NWD2: variants seen among roughly 807,000 people sequenced by gnomAD.
NWD2 encodes NACHT and WD repeat domain-containing protein 2.
A neutral mutation model predicts 132.7 loss-of-function variants in NWD2; 37 were observed. The ratio of observed to expected loss-of-function variants is 0.28; its 90% CI spans 0.21 to 0.37. The LOEUF (loss-of-function observed/expected upper bound fraction) is 0.37. Among genes scored for constraint, NWD2 ranks in the 10% least tolerant of loss-of-function variants. NWD2 has a pLI of 1.00. For missense variants in NWD2, 1,592 were observed against 2,122.4 expected (o/e 0.75, Z 4.91); for synonymous variants, 705 against 803.0 (o/e 0.88, Z 2.06).
At chr4:37,313,160 A>C (rs1261560314) in intron 1 of NWD2, among the ~76,000 whole-genome samples, 1 of 151,076 alleles carries the variant, frequency 6.6e-6, no homozygotes, top group African/African-American at 2.5e-5. Flanking sequence ...GTTAGGGAGG[A>C]TTCCCTCTTT....
chr4:37,310,397 T>A (rs73807484), intron 1 of NWD2, among the ~76,000 whole-genome samples: 161 of 152,316 alleles, frequency 1.1e-3, no homozygotes, highest in African/African-American at 3.8e-3. Context: ...TTATCTTTTC[T>A]AACTTACCCC....
intron 3 of NWD2, among the ~76,000 whole-genome samples, chr4:37,405,593 A>T (rs1374729544): frequency 6.6e-6 from 1 of 152,222 alleles, no homozygotes; most frequent in Non-Finnish European, 1.5e-5. Context: ...GTCTGGGGTG[A>T]CAACTGCGAC....
intron 1 of NWD2, among the ~76,000 whole-genome samples, chr4:37,301,782 G>A (rs979280125): frequency 6.6e-6 from 1 of 151,690 alleles, no homozygotes; most frequent in Non-Finnish European, 1.5e-5. Flanking sequence ...AGATAATTTT[G>A]TATGTGATTC....
intron 3 of NWD2, among the ~76,000 whole-genome samples, chr4:37,374,255 A>G (rs1720299104): frequency 6.6e-6 from 1 of 152,168 alleles, no homozygotes; most frequent in South Asian, 2.1e-4. Flanking sequence ...GTGATGACAC[A>G]CCTGCTCCCC....
chr4:37,414,899 T>A (rs1208374491), intron 3 of NWD2, among the ~76,000 whole-genome samples: 1 of 152,182 alleles, frequency 6.6e-6, no homozygotes, highest in African/African-American at 2.4e-5. Flanking sequence ...CATTGTTGGA[T>A]TCTATATTTT....
At chr4:37,380,446 C>T (rs1720431102) in intron 3 of NWD2, among the ~76,000 whole-genome samples, 1 of 152,194 alleles carries the variant, frequency 6.6e-6, no homozygotes, top group South Asian at 2.1e-4. Flanking sequence ...TTTTCTCCCT[C>T]TAGGCTTTAA....
intron 3 of NWD2, among the ~76,000 whole-genome samples, chr4:37,388,688 T>C (rs1720620740): frequency 6.8e-6 from 1 of 147,554 alleles, no homozygotes; most frequent in South Asian, 2.1e-4. Flanking sequence ...ATCGTATATA[T>C]CATATATAAA....
chr4:37,313,919 A>G (rs1190978044), intron 1 of NWD2, among the ~76,000 whole-genome samples: 1 of 150,928 alleles, frequency 6.6e-6, no homozygotes, highest in African/African-American at 2.5e-5. Flanking sequence ...GCTGGTCTCG[A>G]TCTCCTGACC....
intron 2 of NWD2, among the ~76,000 whole-genome samples, chr4:37,344,356 A>AT (rs1258298853): frequency 4.6e-5 from 7 of 151,760 alleles, no homozygotes; most frequent in Non-Finnish European, 8.8e-5. Context: ...CTTTTTCATC[A>AT]TTTTTTTCCC....
At chr4:37,304,880 C>G (rs1251080218) in intron 1 of NWD2, among the ~76,000 whole-genome samples, 2 of 152,200 alleles carry the variant, frequency 1.3e-5, no homozygotes, top group Non-Finnish European at 2.9e-5. Flanking sequence ...CACAGCTCCA[C>G]TAGGCAGTGC....
Position 37,439,455 on chromosome 4 carries a change from A to G in NWD2, c.1296+65A>G. The G allele has an allele frequency of 9.2e-7, 1 of 1,083,528 alleles. No homozygotes were observed. Among genetic ancestry groups the G allele is most frequent in the East Asian group, 2.6e-5 (1 of 38,044 alleles). The allele number at this position is 1,083,528 out of a possible 1,614,324, so 67.1% of individuals were successfully genotyped here. The stretch of plus-strand genomic sequence containing the variant: ...TGTACTTTTGGAAAATGGTAAATTA[A>G]TCAAATTCATTTCTACTTTCTGAGT... On this transcript the variant is annotated intron_variant, in intron 6 of 6. Transcript: ENST00000309447. The surrounding 1 kb of genome is among the most constrained non-coding windows in gnomAD (Gnocchi z 4.5).
intron 3 of NWD2, among the ~76,000 whole-genome samples, chr4:37,380,247 C>T (rs550676045): frequency 3.3e-5 from 5 of 152,290 alleles, no homozygotes; most frequent in East Asian, 1.9e-4. Context: ...CGATAAAGTC[C>T]GGACTCTTAA....
chr4:37,388,995 A>G (rs1720629629), intron 3 of NWD2, among the ~76,000 whole-genome samples: 1 of 151,906 alleles, frequency 6.6e-6, no homozygotes, highest in Admixed American at 6.6e-5. Flanking sequence ...ATTTAACATA[A>G]TGCCTGCTAA....
At chr4:37,369,924 A>G (rs1420591502) in intron 3 of NWD2, among the ~76,000 whole-genome samples, 1 of 152,126 alleles carries the variant, frequency 6.6e-6, no homozygotes, top group Non-Finnish European at 1.5e-5. Context: ...TCTCCATTGT[A>G]TGGCCCTTTC....
rs1022418879 is a variant in NWD2, at chr4:37,439,144, G to A, written c.1050G>A (p.Met350Ile). Residue 350 changes from methionine (M) to isoleucine (I), a missense_variant, in exon 6 of 7, where the codon ATG (methionine) becomes ATA (isoleucine). Met to Ile is a conservative substitution (Grantham distance 10, BLOSUM62 1). Coordinates refer to ENST00000309447, the MANE Select transcript of NWD2 (RefSeq NM_001144990.2). The surrounding 1 kb of genome is among the most constrained non-coding windows in gnomAD (Gnocchi z 4.5). ...EGLGKQFYED[M>I]IDIIQATIQQ... ...TTGGTAAACAATTTTATGAGGACAT[G>A]ATTGATATAATTCAGGCAACGATAC... 1 of 1,551,218 alleles carries A rather than the reference G, an allele frequency of 6.4e-7. No individual in the cohort carries two copies. Among genetic ancestry groups the A allele is most frequent in the Non-Finnish European group, 8.7e-7 (1 of 1,146,748 alleles).
chr4:37,432,828 T>C (rs182465641), intron 4 of NWD2, among the ~76,000 whole-genome samples: 44 of 152,264 alleles, frequency 2.9e-4, no homozygotes, highest in Middle Eastern at 3.4e-3. Flanking sequence ...TTATGATAGG[T>C]CCTTTAAAAG....
intron 2 of NWD2, among the ~76,000 whole-genome samples, chr4:37,339,784 A>G (rs1055556603): frequency 6.6e-6 from 1 of 152,144 alleles, no homozygotes; most frequent in Non-Finnish European, 1.5e-5. Flanking sequence ...CAAATAGTAT[A>G]TATTGTACCC....
At chr4:37,387,742 T>G (rs1720594214) in intron 3 of NWD2, among the ~76,000 whole-genome samples, 1 of 148,630 alleles carries the variant, frequency 6.7e-6, no homozygotes, top group Non-Finnish European at 1.5e-5. Context: ...TGGCGCGATC[T>G]TGGCTCACTG....
chr4:37,262,901 C>A (rs1577647698), intron 1 of NWD2, among the ~76,000 whole-genome samples: 1 of 152,218 alleles, frequency 6.6e-6, no homozygotes, highest in African/African-American at 2.4e-5. Flanking sequence ...CAGGTGGATT[C>A]ACTGCCACAT....
Sources: allele counts gnomAD v4.1 joint callset (sites outside exome capture counted in the v4.1 genomes callset), GRCh38; gene constraint gnomAD v4.1.1; non-coding constraint Gnocchi (gnomAD v3.1); transcripts MANE v1.5; gene names NCBI Gene and HGNC (gene_info 2026-07-23, HGNC 2026-07-21).